The following NADK2 variants were observed in gnomAD, a reference collection of about 807,000 sequenced individuals.
The protein encoded by NADK2 is NAD kinase domain-containing protein 1, mitochondrial.
NADK2 carries 35 observed loss-of-function variants against 62.1 expected under a neutral mutation model. That is an observed-to-expected ratio of 0.56 (90% CI 0.43 to 0.75). The LOEUF is 0.75. NADK2 is among the 30% of genes least tolerant of loss of function. The probability of loss-of-function intolerance (pLI) is 0.00; values close to 1 mark genes in which losing one functional copy is unlikely to be tolerated. For synonymous variants in NADK2, 205 were observed against 207.9 expected (o/e 0.99, Z 0.12); for missense variants, 439 against 561.3 (o/e 0.78, Z 2.20).
Position 36,195,093 on chromosome 5 carries a change from T to C in NADK2, c.*51A>G. 1.3e-6 allele frequency: 2 copies of C among 1,563,444 alleles called. No individual in the cohort carries two copies. Among genetic ancestry groups the C allele is most frequent in the Non-Finnish European group, 1.7e-6 (2 of 1,157,386 alleles). On this transcript the variant is annotated 3_prime_UTR_variant, in exon 12 of 12. Coordinates refer to ENST00000381937, the MANE Select transcript of NADK2 (RefSeq NM_001085411.3). ...CACTTTACGACTGGTAGTCTGTTTC[T>C]GAAGTAAAAATATTCTCGCCAGTAA...
intron 5 of NADK2, among the ~76,000 whole-genome samples, 174 bp downstream of exon 5, chr5:36,219,422 G>C (rs1383766648): frequency 6.6e-6 from 1 of 152,124 alleles, no homozygotes; most frequent in Non-Finnish European, 1.5e-5. Context: ...TGTTGCCCAG[G>C]CTGGTCTCAA....
At chr5:36,209,670 T>A (rs1579608616) in intron 7 of NADK2, among the ~76,000 whole-genome samples, 1 of 152,264 alleles carries the variant, frequency 6.6e-6, no homozygotes, top group East Asian at 1.9e-4. Flanking sequence ...TCAAACTTTA[T>A]ATGTAGCAAA....
intron 6 of NADK2, among the ~76,000 whole-genome samples, chr5:36,215,478 G>A (rs1018104893): frequency 6.6e-6 from 1 of 152,056 alleles, no homozygotes; most frequent in African/African-American, 2.4e-5. Flanking sequence ...TTGAAATGAG[G>A]TATTTTGAAA....
rs1228595445 is a variant in NADK2, at chr5:36,194,815, A to AGTT, written c.*326_*328dup. 1 of 184,104 alleles carries AGTT rather than the reference A, an allele frequency of 5.4e-6. No individual in the cohort carries two copies. The highest frequency in any genetic ancestry group is 1.4e-4 in the East Asian group (1 of 7,146). The allele number at this position is 184,104 out of a possible 1,614,324, so 11.4% of individuals were successfully genotyped here. A position where few individuals can be genotyped will look rare whatever the true frequency, so the allele number is the denominator to read the frequency against. On this transcript the variant is annotated 3_prime_UTR_variant, in exon 12 of 12. Coordinates refer to ENST00000381937, the MANE Select transcript of NADK2 (RefSeq NM_001085411.3). ...AAAGGGAAGGAAAACACACTTATAC[A>AGTT]GTTAAGTTTCAAATCCTAAATATTT...
chr5:36,210,495 AC>A (rs10709679), intron 7 of NADK2, among the ~76,000 whole-genome samples: 9,413 of 152,232 alleles, frequency 0.062, 1,023 homozygotes, highest in African/African-American at 0.22. Context: ...TAAAAAGGAT[AC>A]AACATCACCT....
Position 36,241,895 on chromosome 5 carries a change from A to C in NADK2, c.-97T>G. ...GCCGTCCGCGCCGCCCGGGCCTCTA[A>C]CTTCGCGCCGGACGGGCAGAGGTTA... On this transcript the variant is annotated 5_prime_UTR_variant, in exon 1 of 12. Transcript: ENST00000381937. The surrounding 1 kb of genome is among the most constrained non-coding windows in gnomAD (Gnocchi z 4.9). 2 of 980,192 alleles carry C rather than the reference A, an allele frequency of 2.0e-6. No individual in the cohort carries two copies. Among genetic ancestry groups the C allele is most frequent in the Non-Finnish European group, 2.5e-6 (2 of 806,394 alleles). 60.7% of individuals were successfully genotyped at this position (980,192 alleles called of 1,614,324 possible).
Position 36,241,281 on chromosome 5 carries a change from CT to C in NADK2, c.300+217del. On this transcript the variant is annotated intron_variant, in intron 1 of 11. Transcript: ENST00000381937. This position sits in a 1 kb window ranked among gnomAD's most constrained non-coding sequence, Gnocchi z 4.9. The stretch of plus-strand genomic sequence containing the variant: ...CCTGCATGAACCACTGTCCCTCTCT[CT>C]CCCCCTCTCCCCGGCCCTGCCTCTC... 2.2e-6 allele frequency: 2 copies of C among 929,042 alleles called. No individual in the cohort carries two copies. The highest frequency in any genetic ancestry group is 1.8e-5 in the African/African-American group (1 of 57,010). The allele number at this position is 929,042 out of a possible 1,614,324, so 57.5% of individuals were successfully genotyped here.
intron 1 of NADK2, among the ~76,000 whole-genome samples, chr5:36,229,242 T>C (rs957823331): frequency 6.6e-6 from 1 of 152,190 alleles, no homozygotes; most frequent in African/African-American, 2.4e-5. Context: ...GAGGAAGCAT[T>C]TGGCTATTGT....
At chr5:36,235,261 T>C (rs1253732052) in intron 1 of NADK2, among the ~76,000 whole-genome samples, 3 of 152,228 alleles carry the variant, frequency 2.0e-5, no homozygotes, top group Non-Finnish European at 4.4e-5. Context: ...TTTAGTTCAC[T>C]TAAGTGATCT....
At chr5:36,196,748 T>C (rs778000538) in intron 11 of NADK2, among the ~76,000 whole-genome samples, 62 of 152,110 alleles carry the variant, frequency 4.1e-4, no homozygotes, top group Middle Eastern at 3.2e-3. Context: ...ATAAGTAGTA[T>C]ATATCTTTGA....
At chr5:36,207,542 T>G (rs1363365410) in intron 7 of NADK2, among the ~76,000 whole-genome samples, 2 of 152,108 alleles carry the variant, frequency 1.3e-5, no homozygotes, top group East Asian at 3.8e-4. Context: ...CTTGCAAATT[T>G]TTAGCTAGCA....
intron 1 of NADK2, among the ~76,000 whole-genome samples, chr5:36,228,524 C>T (rs1191464630): frequency 1.3e-5 from 2 of 152,004 alleles, no homozygotes; most frequent in Admixed American, 6.6e-5. Context: ...CCTCCGTTTA[C>T]CAAGTAGATG....
At chr5:36,218,636 A>G (rs1238986547) in intron 5 of NADK2, among the ~76,000 whole-genome samples, 1 of 152,240 alleles carries the variant, frequency 6.6e-6, no homozygotes, top group Non-Finnish European at 1.5e-5. Context: ...AGCTTTCCCC[A>G]ACTATAAAAT....
At chr5:36,216,450 T>G (rs1039246080) in intron 6 of NADK2, among the ~76,000 whole-genome samples, 1 of 152,188 alleles carries the variant, frequency 6.6e-6, no homozygotes, top group Non-Finnish European at 1.5e-5. Context: ...ATTTTGTTTT[T>G]GTTGCCTGTG....
chr5:36,220,806 G>A (rs1341919500), intron 4 of NADK2, among the ~76,000 whole-genome samples: 1 of 152,174 alleles, frequency 6.6e-6, no homozygotes, highest in Non-Finnish European at 1.5e-5. Context: ...GGACTAGCAC[G>A]ACCACTTCCA....
chr5:36,204,830 G>A (rs1746574936), intron 8 of NADK2, among the ~76,000 whole-genome samples: 1 of 151,722 alleles, frequency 6.6e-6, no homozygotes, highest in South Asian at 2.1e-4. Context: ...AGTAGATAGG[G>A]GTACAGAGGT....
At chr5:36,238,868 G>T (rs1431379940) in intron 1 of NADK2, among the ~76,000 whole-genome samples, 1 of 152,184 alleles carries the variant, frequency 6.6e-6, no homozygotes, top group Admixed American at 6.5e-5. Flanking sequence ...TGACTAGCTT[G>T]AAGGTTGTAA....
chr5:36,211,432 G>C (rs1746837306), intron 7 of NADK2, among the ~76,000 whole-genome samples: 5 of 151,990 alleles, frequency 3.3e-5, no homozygotes, highest in Admixed American at 3.3e-4. Context: ...GCATGCACCT[G>C]TAGTCCCAGC....
chr5:36,213,814 C>T (rs1746945121), intron 6 of NADK2, among the ~76,000 whole-genome samples: 1 of 151,492 alleles, frequency 6.6e-6, no homozygotes, highest in African/African-American at 2.4e-5. Flanking sequence ...GATTACTATC[C>T]CCACAGATTT....
Sources: allele counts gnomAD v4.1 joint callset (sites outside exome capture counted in the v4.1 genomes callset), GRCh38; gene constraint gnomAD v4.1.1; non-coding constraint Gnocchi (gnomAD v3.1); transcripts MANE v1.5; gene names NCBI Gene and HGNC (gene_info 2026-07-23, HGNC 2026-07-21).